The following COL27A1 variants were observed in gnomAD, a reference collection of about 807,000 sequenced individuals.
The protein encoded by COL27A1 is collagen type XXVII alpha 1 chain.
A neutral mutation model predicts 251.3 loss-of-function variants in COL27A1; 106 were observed. That is an observed-to-expected ratio of 0.42 (90% CI 0.36 to 0.50). The LOEUF is 0.50. Among genes scored for constraint, COL27A1 ranks in the 20% least tolerant of loss-of-function variants. COL27A1 has a pLI of 0.00. For missense variants in COL27A1, 2,325 were observed against 2,522.8 expected (o/e 0.92, Z 1.68); for synonymous variants, 1,000 against 986.3 (o/e 1.01, Z -0.26).
chr9:114,248,478 C>T (rs974469961), intron 24 of COL27A1, among the ~76,000 whole-genome samples: 1 of 152,222 alleles, frequency 6.6e-6, no homozygotes, highest in Admixed American at 6.5e-5. Flanking sequence ...ACTGGGAACT[C>T]GGATCCTGCC....
rs529963262 is a variant in COL27A1 at position 114,210,812 on chromosome 9, C to T, written c.2323-170C>T. Among the ~76,000 whole-genome samples the T allele has an allele frequency of 2.0e-5, 3 of 152,364 alleles. No homozygotes were observed. In the South Asian group the frequency reaches 6.2e-4, roughly 32 times the overall value. On this transcript the variant is annotated intron_variant, in intron 11 of 60. Transcript: ENST00000356083. ...CTGTCTCTTAGGTCACCACAGACCC[C>T]GACCCTGCCATCCGTCTGATGTGCA... is the stretch of plus-strand genomic sequence containing the variant.
At chr9:114,277,590 C>T (rs1835588766) in intron 37 of COL27A1, among the ~76,000 whole-genome samples, 1 of 152,328 alleles carries the variant, frequency 6.6e-6, no homozygotes, top group African/African-American at 2.4e-5. Flanking sequence ...CCCTAAACAG[C>T]TGCAACAGAA....
chr9:114,233,752 G>C (rs1256180052), intron 16 of COL27A1, among the ~76,000 whole-genome samples: 2 of 152,114 alleles, frequency 1.3e-5, no homozygotes, highest in African/African-American at 4.8e-5. Context: ...GGGACATTTA[G>C]AGATGTGAAA....
chr9:114,168,472 C>A lies in COL27A1; in HGVS notation c.917C>A (p.Thr306Lys), dbSNP rs1306167047. 3.1e-6 allele frequency: 5 copies of A among 1,613,884 alleles called. No individual in the cohort carries two copies. The African/African-American group carries it at 6.7e-5, about 22-fold the overall frequency. The change falls in exon 3 of 61, where the codon ACA becomes AAA. Residue 306 changes from threonine (T) to lysine (K), a missense_variant. This residue lies in a region of COL27A1 where 1,183 missense variants were observed against 1,144.1 expected (regional missense o/e 1.03). Coordinates refer to ENST00000356083, the MANE Select transcript of COL27A1 (RefSeq NM_032888.4). ...TPTKPQRTSP[T>K]NPHQHMAVGG... ...ACCAAGCCCCAAAGGACTAGCCCCA[C>A]AAACCCTCACCAGCATATGGCGGTG...
chr9:114,210,115 G>A (rs1029847291), intron 11 of COL27A1, among the ~76,000 whole-genome samples: 3 of 152,180 alleles, frequency 2.0e-5, no homozygotes, highest in Non-Finnish European at 2.9e-5. Context: ...AATGAACACC[G>A]GGCCCACTTT....
chr9:114,288,408 T>TC, intron 41 of COL27A1, 47 bp from the exon 42 acceptor site: 2 of 1,588,358 alleles, frequency 1.3e-6, no homozygotes, highest in Non-Finnish European at 1.7e-6. Context: ...TTCCCCACAT[T>TC]CCCCAGGAGC....
rs752443517 is a variant in COL27A1, at chr9:114,282,287, GA to G, written c.3732del (p.Lys1244AsnfsTer323). The G allele has an allele frequency of 6.2e-7, 1 of 1,613,808 alleles. No individual in the cohort carries two copies. Among genetic ancestry groups the G allele is most frequent in the South Asian group, 1.1e-5 (1 of 91,082 alleles). On this transcript the variant is annotated frameshift_variant, in exon 38 of 61. Coordinates refer to ENST00000356083, the MANE Select transcript of COL27A1 (RefSeq NM_032888.4). LOFTEE classifies it high-confidence loss of function. ...CTCCTCTCTCTTCAGGGTCCTGAAG[GA>G]AAATCAGGGAAGCAAGGCGAGAAGG... ...PGVTGVRGPE[G>X]KSGKQGEKGR... is the part of the protein sequence containing the mutation.
At chr9:114,243,980 C>T (rs564114074) in intron 23 of COL27A1, among the ~76,000 whole-genome samples, 4 of 142,702 alleles carry the variant, frequency 2.8e-5, no homozygotes, top group Admixed American at 2.2e-4. Flanking sequence ...GGCTGGAGTG[C>T]AGTGGTGCAA....
chr9:114,282,548 G>T lies in COL27A1; in HGVS notation c.3863G>T (p.Gly1288Val). The change falls in exon 39 of 61, where the codon GGC becomes GTC. Residue 1288 changes from glycine (G) to valine (V), a missense_variant. Physicochemically the swap from Gly to Val is moderately radical, Grantham distance 109 (BLOSUM62 -3). Around this residue, in one of 4 missense-constraint regions of COL27A1, gnomAD observed 662 missense variants for 795.3 expected, o/e 0.83. Coordinates refer to ENST00000356083, the MANE Select transcript of COL27A1 (RefSeq NM_032888.4). ...ACTCCAGGCCCTAAAGGGTCCCGGG[G>T]CAGCCTGGGACCAACGGTGAGGACT... ...PGTPGPKGSR[G>V]SLGPTGAPGR... is the part of the protein sequence containing the mutation. The T allele has an allele frequency of 6.5e-7, 1 of 1,531,728 alleles. No homozygotes were observed. The highest frequency in any genetic ancestry group is 8.8e-7 in the Non-Finnish European group (1 of 1,142,716). 94.9% of individuals were successfully genotyped at this position (1,531,728 alleles called of 1,614,324 possible).
At chr9:114,306,403 C>A in intron 57 of COL27A1, 117 bp from the exon 58 acceptor site, 2 of 1,013,536 alleles carry the variant, frequency 2.0e-6, no homozygotes, top group Non-Finnish European at 2.9e-6. Flanking sequence ...CGTGCTCTAG[C>A]CATGACCGTG....
chr9:114,266,452 T>G (rs1588825506), intron 32 of COL27A1, 113 bp from the exon 33 acceptor site: 22 of 761,868 alleles, frequency 2.9e-5, no homozygotes, highest in East Asian at 7.9e-5. Flanking sequence ...GGACTAGGGG[T>G]GTGCTTCAGA....
At chr9:114,236,511 G>A (rs1163670893) in intron 17 of COL27A1, among the ~76,000 whole-genome samples, 1 of 152,210 alleles carries the variant, frequency 6.6e-6, no homozygotes, top group African/African-American at 2.4e-5. Flanking sequence ...CCTGTGTCCG[G>A]CATCATGTGG....
At chr9:114,179,969 G>C (rs889601289) in intron 4 of COL27A1, among the ~76,000 whole-genome samples, 4 of 151,234 alleles carry the variant, frequency 2.6e-5, no homozygotes, top group African/African-American at 9.7e-5. Flanking sequence ...CTCCCAAGTA[G>C]CTGGGATTAC....
At chr9:114,301,152 C>T in intron 52 of COL27A1, 27 bp downstream of exon 52, 1 of 1,613,442 alleles carries the variant, frequency 6.2e-7, no homozygotes, top group Admixed American at 1.7e-5. Context: ...GACAGGAAGA[C>T]TCCGGGGTCC....
chr9:114,167,866 T>C lies in COL27A1; in HGVS notation c.311T>C (p.Leu104Pro). Residue 104 changes from leucine (L) to proline (P), a missense_variant, in exon 3 of 61, where the codon CTC (leucine) becomes CCC (proline). By Grantham distance (98) the Leu-to-Pro change is moderately conservative. This residue lies in a region of COL27A1 where 1,183 missense variants were observed against 1,144.1 expected (regional missense o/e 1.03). Coordinates refer to ENST00000356083, the MANE Select transcript of COL27A1 (RefSeq NM_032888.4). ...ACAGAGCTGGCACTGGTGCTGAGCC[T>C]CTGCTCCCACCGGGTGAACCATGCC... The part of the protein sequence containing the change: ...LGTELALVLS[L>P]CSHRVNHAFL... 1 of 1,613,476 alleles carries C rather than the reference T, an allele frequency of 6.2e-7. No individual in the cohort carries two copies.
At chr9:114,216,074 G>A (rs1830691726) in intron 12 of COL27A1, among the ~76,000 whole-genome samples, 1 of 152,256 alleles carries the variant, frequency 6.6e-6, no homozygotes. Context: ...TGCTTTGGAT[G>A]TGGTGGCGAG....
rs200142542 is a variant in COL27A1 at position 114,310,562 on chromosome 9, G to A, written c.5450G>A (p.Arg1817His). Residue 1817 changes from arginine (R) to histidine (H), a missense_variant, in exon 61 of 61, where the codon CGC (arginine) becomes CAC (histidine). Arg to His is a conservative substitution (Grantham distance 29). Around this residue, in one of 4 missense-constraint regions of COL27A1, gnomAD observed 327 missense variants for 442.8 expected, o/e 0.74. Coordinates refer to ENST00000356083, the MANE Select transcript of COL27A1 (RefSeq NM_032888.4). ...TTCTGCCTTCAGGTCCAAGATGGCC[G>A]CTGGCATCAGACACTCTTCACCTTC... ...SMDGCKVQDG[R>H]WHQTLFTFRT... 3.5e-5 allele frequency: 56 copies of A among 1,614,146 alleles called. No homozygotes were observed. Among genetic ancestry groups the A allele is most frequent in the South Asian group, 2.6e-4 (24 of 91,078 alleles).
At chr9:114,215,749 C>T (rs1427509807) in intron 12 of COL27A1, among the ~76,000 whole-genome samples, 2 of 152,182 alleles carry the variant, frequency 1.3e-5, no homozygotes, top group African/African-American at 4.8e-5. Flanking sequence ...CGGGCTTCTC[C>T]TAGAGGTTAT....
At chr9:114,282,663 A>T in intron 39 of COL27A1, 99 bp downstream of exon 39, 1 of 731,526 alleles carries the variant, frequency 1.4e-6, no homozygotes, top group Non-Finnish European at 2.2e-6. Context: ...GTTATCACCC[A>T]CCCCAGCTAT....
Sources: allele counts gnomAD v4.1 joint callset (sites outside exome capture counted in the v4.1 genomes callset), GRCh38; gene constraint gnomAD v4.1.1; regional missense constraint gnomAD v4.1.1; transcripts MANE v1.5; gene names NCBI Gene and HGNC (gene_info 2026-07-23, HGNC 2026-07-21).